The following MCHR2 variants were observed in gnomAD, a reference collection of about 807,000 sequenced individuals.
MCHR2 encodes melanin concentrating hormone receptor 2, also known as melanin-concentrating hormone receptor 2.
MCHR2 carries 15 observed loss-of-function variants against 24.8 expected under a neutral mutation model. That is an observed-to-expected ratio of 0.60 (90% confidence interval 0.40 to 0.93). The LOEUF (loss-of-function observed/expected upper bound fraction) is 0.93. Among genes scored for constraint, MCHR2 ranks in the 40% least tolerant of loss-of-function variants. MCHR2 has a pLI of 0.00. For synonymous variants in MCHR2, 151 were observed against 147.6 expected, an observed-to-expected ratio of 1.02 and a Z score of -0.17; for missense variants, 386 against 408.7, an observed-to-expected ratio of 0.94 and a Z score of 0.48.
At chr6:99,964,475 A>G (rs776594906) in intron 1 of MCHR2, among the ~76,000 whole-genome samples, 12 of 152,158 alleles carry the variant, frequency 7.9e-5, no homozygotes, top group Non-Finnish European at 1.5e-4. Flanking sequence ...GAAACTTACA[A>G]TCATGGCAGA....
At position 99,984,106 on chromosome 6, in the gene MCHR2, G is replaced by A. The variant is rs549058853; in HGVS notation, c.-28+9830C>T. On this transcript the variant is annotated intron_variant, in intron 1 of 5. Coordinates refer to ENST00000281806, the MANE Select transcript of MCHR2 (RefSeq NM_001040179.2). ...TCTTGCATAATAAAGAAGTCCAGAAGTATTTCATATTTTGTCTTCTGTTAT... is the reference window on the plus strand; with the variant it reads ...TCTTGCATAATAAAGAAGTCCAGAAATATTTCATATTTTGTCTTCTGTTAT... 5.5e-4 allele frequency among the ~76,000 whole-genome samples: 83 copies of A among 152,138 alleles called. 1 individual carries two copies. The highest frequency in any genetic ancestry group is 2.0e-3 in the African/African-American group (82 of 41,506).
Position 99,920,034 on chromosome 6 carries a change from T to A in MCHR2, c.*906A>T, listed in dbSNP as rs1468305474. On this transcript the variant is annotated 3_prime_UTR_variant, in exon 6 of 6. Transcript: ENST00000281806. ...AGCCACTGCACCCGGCCAGGAATGT[T>A]TCCTAATTATGCTTAAAGTCCAGAA... is the stretch of plus-strand genomic sequence containing the variant. 6.6e-6 allele frequency: 1 copy of A among 152,194 alleles called. No individual in the cohort carries two copies. The highest frequency in any genetic ancestry group is 1.5e-5 in the Non-Finnish European group (1 of 68,048). The allele number at this position is 152,194 out of a possible 1,614,324, so 9.4% of individuals were successfully genotyped here.
chr6:99,969,338 G>C (rs564307054), intron 1 of MCHR2, among the ~76,000 whole-genome samples: 1 of 151,952 alleles, frequency 6.6e-6, no homozygotes, highest in Non-Finnish European at 1.5e-5. Flanking sequence ...GTCGGACATG[G>C]TGGCAGGTGT....
intron 1 of MCHR2, among the ~76,000 whole-genome samples, chr6:99,964,243 C>T (rs895578523): frequency 6.6e-6 from 1 of 151,974 alleles, no homozygotes; most frequent in African/African-American, 2.4e-5. Context: ...GCTGTATGAC[C>T]CTGAATCTTC....
At chr6:99,955,787 T>C (rs1775047236) in intron 2 of MCHR2, among the ~76,000 whole-genome samples, 179 bp downstream of exon 2, 2 of 152,130 alleles carry the variant, frequency 1.3e-5, no homozygotes, top group Non-Finnish European at 2.9e-5. Context: ...GCAACTGAGA[T>C]GTTACCTAAT....
At position 99,972,370 on chromosome 6, in the gene MCHR2, T is replaced by C. The variant is rs565435088; in HGVS notation, c.-27-16196A>G. Among the ~76,000 whole-genome samples, 8 of 152,366 alleles carry C rather than the reference T, an allele frequency of 5.3e-5. No homozygotes were observed. The South Asian group carries it at 1.5e-3, about 28-fold the overall frequency. On this transcript the variant is annotated intron_variant, in intron 1 of 5. Transcript: ENST00000281806. ...GCATAGAGGTGTTGGTAGTATTCTC[T>C]GATGGTAGTTTGTATTTCTGTGGGA...
At chr6:99,966,738 T>C (rs1263825896) in intron 1 of MCHR2, among the ~76,000 whole-genome samples, 3 of 152,194 alleles carry the variant, frequency 2.0e-5, no homozygotes, top group African/African-American at 7.2e-5. Flanking sequence ...CATTAGTATT[T>C]AAATTATGTT....
At chr6:99,948,915 T>A (rs1181963321) in intron 2 of MCHR2, among the ~76,000 whole-genome samples, 2 of 151,914 alleles carry the variant, frequency 1.3e-5, no homozygotes, top group African/African-American at 2.4e-5. Flanking sequence ...ACAGTGAGAG[T>A]CATCTGAAAA....
intron 1 of MCHR2, among the ~76,000 whole-genome samples, chr6:99,980,328 C>T (rs1289521840): frequency 2.6e-5 from 4 of 152,120 alleles, no homozygotes; most frequent in African/African-American, 9.7e-5. Context: ...GGAAAAATAT[C>T]TTACTTGGGA....
intron 2 of MCHR2, among the ~76,000 whole-genome samples, chr6:99,948,306 G>T (rs968238149): frequency 2.0e-5 from 3 of 152,036 alleles, no homozygotes; most frequent in Non-Finnish European, 4.4e-5. Flanking sequence ...TTGAAATTAG[G>T]TCACAAAATT....
At chr6:99,928,774 A>G (rs957148843) in intron 5 of MCHR2, among the ~76,000 whole-genome samples, 1 of 151,934 alleles carries the variant, frequency 6.6e-6, no homozygotes, top group African/African-American at 2.4e-5. Flanking sequence ...TTTGTTGATC[A>G]TTTCAAAAAA....
rs1774220359 is a variant in MCHR2 at position 99,921,177 on chromosome 6, C to T, written c.786G>A (p.Leu262=). Residue 262 remains leucine, a synonymous_variant, in exon 6 of 6, where the codon CTG becomes CTA. Coordinates refer to ENST00000281806, the MANE Select transcript of MCHR2 (RefSeq NM_001040179.2). The stretch of plus-strand genomic sequence containing the variant: ...GTATCACATGATAAGGGGCAGCACT[C>T]AGGATAAAGACTACCACCAGCACCA... ...MVLVLVVVFI[L]SAAPYHVIQL... The T allele has an allele frequency of 6.2e-7, 1 of 1,614,154 alleles. No homozygotes were observed. The highest frequency in any genetic ancestry group is 1.3e-5 in the African/African-American group (1 of 75,048).
intron 3 of MCHR2, 53 bp from the exon 4 acceptor site, chr6:99,943,196 C>T (rs1441528159): frequency 2.7e-6 from 4 of 1,462,774 alleles, no homozygotes; most frequent in Non-Finnish European, 3.7e-6. Context: ...GCACTGAGCT[C>T]CAAGGATGAA....
At chr6:99,993,622 C>T (rs1264704401) in intron 1 of MCHR2, among the ~76,000 whole-genome samples, 4 of 152,090 alleles carry the variant, frequency 2.6e-5, no homozygotes, top group African/African-American at 9.7e-5. Flanking sequence ...CGGTCTCGGT[C>T]GGGGCCGCTG....
chr6:99,948,059 A>G lies in MCHR2; in HGVS notation c.183-88T>C, dbSNP rs914190480. ...TACCTCATACAAATTTTTAATTGAC[A>G]TAATGCATTTTAAATGTTAAAGGAA... On this transcript the variant is annotated intron_variant, in intron 2 of 5. Coordinates refer to ENST00000281806, the MANE Select transcript of MCHR2 (RefSeq NM_001040179.2). The G allele has an allele frequency of 8.8e-6, 10 of 1,137,162 alleles. No homozygotes were observed. In the South Asian group the frequency reaches 1.2e-4, roughly 14 times the overall value. 70.4% of individuals were successfully genotyped at this position (1,137,162 alleles called of 1,614,324 possible). A position where few individuals can be genotyped will look rare whatever the true frequency, so the allele number is the denominator to read the frequency against.
intron 4 of MCHR2, among the ~76,000 whole-genome samples, chr6:99,937,751 A>ATTTT (rs71024679): frequency 1.2e-3 from 173 of 146,894 alleles, no homozygotes; most frequent in Non-Finnish European, 1.8e-3. Context: ...CTTCCTCTTC[A>ATTTT]TTTTTTTTTT....
intron 4 of MCHR2, among the ~76,000 whole-genome samples, chr6:99,939,869 G>A (rs1774737976): frequency 1.8e-5 from 1 of 56,640 alleles, no homozygotes; most frequent in Non-Finnish European, 3.1e-5. Context: ...TTGGATGGCA[G>A]GTGTTTTTTT....
chr6:99,965,208 C>CTATT (rs753166681), intron 1 of MCHR2, among the ~76,000 whole-genome samples: 12 of 152,118 alleles, frequency 7.9e-5, no homozygotes, highest in Non-Finnish European at 1.6e-4. Context: ...GGTTTCAAGG[C>CTATT]AATAATCTAA....
intron 4 of MCHR2, 115 bp downstream of exon 4, chr6:99,942,834 C>T (rs1774798171): frequency 5.2e-6 from 4 of 767,182 alleles, no homozygotes; most frequent in Admixed American, 2.7e-5. Flanking sequence ...AATGGAGATA[C>T]TGGCGAGAAG....
Sources: gnomAD v4.1 joint callset for allele counts (sites outside exome capture counted in the v4.1 genomes callset) on GRCh38, gnomAD v4.1.1 for gene constraint, MANE v1.5 for transcripts, NCBI Gene and HGNC (gene_info 2026-07-23, HGNC 2026-07-21) for gene names.